The following RAB40C variants were observed in gnomAD, a reference collection of about 807,000 sequenced individuals.
RAB40C encodes ras-related protein Rab-40C.
Under a neutral mutation model 28.1 loss-of-function variants are expected in RAB40C, and 8 were observed. The ratio of observed to expected loss-of-function variants is 0.28; its 90% CI spans 0.17 to 0.51. The LOEUF is 0.51. Among genes scored for constraint, RAB40C ranks in the 20% least tolerant of loss-of-function variants. The pLI is 0.97. For missense variants in RAB40C, 288 were observed against 405.9 expected (o/e 0.71, Z 2.50); for synonymous variants, 201 against 171.7 (o/e 1.17, Z -1.34).
intron 1 of RAB40C, among the ~76,000 whole-genome samples, chr16:604,805 G>T (rs1352442026): frequency 6.6e-6 from 1 of 152,190 alleles, no homozygotes; most frequent in African/African-American, 2.4e-5. Context: ...CATGCCTGTA[G>T]TCTCAGCACT....
At chr16:595,311 A>G (rs962173066) in intron 1 of RAB40C, among the ~76,000 whole-genome samples, 1 of 152,110 alleles carries the variant, frequency 6.6e-6, no homozygotes, top group African/African-American at 2.4e-5. Flanking sequence ...CAGACGAGGG[A>G]TTGAGGCTCA....
intron 4 of RAB40C, 67 bp from the exon 5 acceptor site, chr16:625,832 G>T: frequency 7.0e-7 from 1 of 1,419,090 alleles, no homozygotes. Flanking sequence ...ATGAGGGCGG[G>T]CCCTGCTGCG....
intron 1 of RAB40C, among the ~76,000 whole-genome samples, chr16:591,923 A>T (rs953850317): frequency 6.6e-6 from 1 of 152,160 alleles, no homozygotes. Flanking sequence ...TTCCAGTGGC[A>T]TGGCTAAAAT....
intron 1 of RAB40C, among the ~76,000 whole-genome samples, chr16:609,867 C>T (rs551467966): frequency 6.6e-6 from 1 of 152,210 alleles, no homozygotes; most frequent in East Asian, 1.9e-4. Flanking sequence ...AGCTGTGTGC[C>T]TGGAGGGGGG....
At chr16:590,607 C>T (rs1332501661) in intron 1 of RAB40C, among the ~76,000 whole-genome samples, 174 bp downstream of exon 1, 1 of 152,190 alleles carries the variant, frequency 6.6e-6, no homozygotes, top group African/African-American at 2.4e-5. Flanking sequence ...TGCTCCAGTC[C>T]CGAGGTGACG....
At chr16:606,818 G>T (rs189814358) in intron 1 of RAB40C, among the ~76,000 whole-genome samples, 1 of 152,192 alleles carries the variant, frequency 6.6e-6, no homozygotes, top group Non-Finnish European at 1.5e-5. Flanking sequence ...CAGGAAAGGC[G>T]GTTAAGGACT....
chr16:615,863 G>A (rs932680577), intron 1 of RAB40C, among the ~76,000 whole-genome samples: 4 of 152,288 alleles, frequency 2.6e-5, no homozygotes, highest in African/African-American at 7.2e-5. Context: ...TTGGGAGGCT[G>A]AGGCAGGAGA....
rs913331822 is a variant in RAB40C, at chr16:610,640, C to T, written c.143-6568C>T. 2.6e-5 allele frequency among the ~76,000 whole-genome samples: 4 copies of T among 152,162 alleles called. No homozygotes were observed. Among genetic ancestry groups the T allele is most frequent in the Admixed American group, 6.5e-5 (1 of 15,292 alleles). On this transcript the variant is annotated intron_variant, in intron 1 of 5. Coordinates refer to ENST00000248139, the MANE Select transcript of RAB40C (RefSeq NM_021168.5). This position sits in a 1 kb window ranked among gnomAD's most constrained non-coding sequence, Gnocchi z 4.6. ...ATGGGGTAGTGTTGAGCTCTGCAGC[C>T]GGAGCCCACTGCCCCTGCCCCTGCG...
chr16:606,176 C>T (rs1183729508), intron 1 of RAB40C, among the ~76,000 whole-genome samples: 2 of 130,236 alleles, frequency 1.5e-5, no homozygotes, highest in Non-Finnish European at 3.3e-5. Flanking sequence ...ACACACAGTC[C>T]TCTCGGTCCT....
intron 1 of RAB40C, among the ~76,000 whole-genome samples, chr16:592,406 C>T (rs2036020085): frequency 6.6e-6 from 1 of 152,180 alleles, no homozygotes; most frequent in African/African-American, 2.4e-5. Flanking sequence ...GAAGCTTGTG[C>T]TCCTGGCTTC....
At chr16:603,295 GA>G (rs1422113080) in intron 1 of RAB40C, among the ~76,000 whole-genome samples, 2 of 151,848 alleles carry the variant, frequency 1.3e-5, no homozygotes, top group Non-Finnish European at 1.5e-5. Flanking sequence ...AGACACATTT[GA>G]AATTTGTTAG....
At chr16:627,268 G>A in intron 5 of RAB40C, 74 bp from the exon 6 acceptor site, 1 of 1,446,086 alleles carries the variant, frequency 6.9e-7, no homozygotes, top group Middle Eastern at 2.5e-4. Flanking sequence ...GGCTTCTCTT[G>A]GGCACCTCAG....
At chr16:595,597 TTTC>T (rs2036098746) in intron 1 of RAB40C, among the ~76,000 whole-genome samples, 1 of 150,638 alleles carries the variant, frequency 6.6e-6, no homozygotes, top group Admixed American at 6.6e-5. Context: ...TTATAACTTT[TTTC>T]TTCTTTTTTT....
intron 1 of RAB40C, among the ~76,000 whole-genome samples, chr16:614,097 C>A (rs1054114624): frequency 9.2e-5 from 14 of 151,918 alleles, no homozygotes; most frequent in African/African-American, 3.4e-4. Flanking sequence ...CCGAACTCTA[C>A]CGCATCCCGA....
At position 625,492 on chromosome 16, in the gene RAB40C, A is replaced by C; in HGVS notation, c.325A>C (p.Ile109Leu). The change falls in exon 4 of 6, where the codon ATC becomes CTC. Residue 109 changes from isoleucine to leucine, a missense_variant. Ile to Leu is a conservative substitution (Grantham distance 5). Around this residue, in one of 3 missense-constraint regions of RAB40C, gnomAD observed 153 missense variants for 262.4 expected, o/e 0.58. Coordinates refer to ENST00000248139, the MANE Select transcript of RAB40C (RefSeq NM_021168.5). ...RWSFDGIDRW[I>L]KEIDEHAPGV... ...GTCCTTTGACGGCATCGACCGCTGG[A>C]TCAAGGAGATCGATGAGGTAGGCCT... is the stretch of plus-strand genomic sequence containing the variant. 1 of 1,613,470 alleles carries C rather than the reference A, an allele frequency of 6.2e-7. No homozygotes were observed. Among genetic ancestry groups the C allele is most frequent in the East Asian group, 2.2e-5 (1 of 44,868 alleles).
chr16:624,202 A>C (rs908118899), intron 3 of RAB40C: 3 of 985,242 alleles, frequency 3.0e-6, no homozygotes, highest in Non-Finnish European at 3.6e-6. Context: ...GGAGGTTGCC[A>C]TGCGGGAGGT....
chr16:590,397 G>A lies in RAB40C; in HGVS notation c.106G>A (p.Asp36Asn). ...GGGCGAGATCCTGGAGAGCCTGCAG[G>A]ACGGCGCGGCAGAGTCCCCGTACGC... ...GKGEILESLQ[D>N]GAAESPYAYS... is the part of the protein sequence containing the mutation. Residue 36 changes from aspartate (D) to asparagine (N), a missense_variant, in exon 1 of 6, where the codon GAC (aspartate) becomes AAC (asparagine). Transcript: ENST00000248139. 6.3e-7 allele frequency: 1 copy of A among 1,595,288 alleles called. No individual in the cohort carries two copies. Among genetic ancestry groups the A allele is most frequent in the Non-Finnish European group, 8.5e-7 (1 of 1,172,696 alleles).
Position 602,195 on chromosome 16 carries a change from T to C in RAB40C, c.142+11762T>C, listed in dbSNP as rs576669379. Among the ~76,000 whole-genome samples the C allele has an allele frequency of 1.6e-4, 25 of 151,946 alleles. No individual in the cohort carries two copies. The East Asian group carries it at 3.3e-3, about 20-fold the overall frequency. On this transcript the variant is annotated intron_variant, in intron 1 of 5. Transcript: ENST00000248139. ...GTGTATATGCTTGATATCTTAAGTA[T>C]GTAAAATAATTGTGGAATGAAATAT...
At chr16:600,778 G>A (rs2036232871) in intron 1 of RAB40C, among the ~76,000 whole-genome samples, 1 of 152,194 alleles carries the variant, frequency 6.6e-6, no homozygotes, top group Non-Finnish European at 1.5e-5. Context: ...GAGCTTTGGT[G>A]CCTACGTGCG....
Sources: allele counts gnomAD v4.1 joint callset (sites outside exome capture counted in the v4.1 genomes callset), GRCh38; gene constraint gnomAD v4.1.1; regional missense constraint gnomAD v4.1.1; non-coding constraint Gnocchi (gnomAD v3.1); transcripts MANE v1.5; gene names NCBI Gene and HGNC (gene_info 2026-07-23, HGNC 2026-07-21).